The following ASB8 variants were observed in gnomAD, a reference collection of about 807,000 sequenced individuals.
The protein encoded by ASB8 is ankyrin repeat and SOCS box protein 8.
ASB8 carries 15 observed loss-of-function variants against 22.9 expected under a neutral mutation model. The ratio of observed to expected loss-of-function variants is 0.66; its 90% CI spans 0.44 to 1.01. ASB8 has a LOEUF of 1.01. ASB8 is among the 50% of genes least tolerant of loss of function. The probability of loss-of-function intolerance (pLI) is 0.00; values close to 1 mark genes in which losing one functional copy is unlikely to be tolerated. For synonymous variants in ASB8, 124 were observed against 140.8 expected (o/e 0.88, Z 0.84); for missense variants, 294 against 356.9 (o/e 0.82, Z 1.42).
At chr12:48,152,627 TAGAA>T (rs1237905722) in intron 2 of ASB8, among the ~76,000 whole-genome samples, 10 of 152,158 alleles carry the variant, frequency 6.6e-5, no homozygotes, top group Non-Finnish European at 1.0e-4. Context: ...GCTTTTAACA[TAGAA>T]TGTAAGTAAA....
chr12:48,149,418 T>C lies in ASB8; in HGVS notation c.815A>G (p.Lys272Arg), dbSNP rs745550632. ...CAAAGAAGCTGGCAGTGGAAGGCCC[T>C]TCACTGCATCGGGGAGATACTGGAG... is the stretch of plus-strand genomic sequence containing the variant. ...LGLQYLPDAVKGLPLPASLKE... is the reference protein window; with the variant it reads ...LGLQYLPDAVRGLPLPASLKE... Residue 272 changes from lysine to arginine, a missense_variant, in exon 4 of 4, where the codon AAG (lysine) becomes AGG (arginine). By Grantham distance (26) the Lys-to-Arg change is conservative. Transcript: ENST00000317697. The C allele has an allele frequency of 1.2e-6, 2 of 1,614,114 alleles. No individual in the cohort carries two copies. The highest frequency in any genetic ancestry group is 2.2e-5 in the South Asian group (2 of 91,080).
Position 48,151,324 on chromosome 12 carries a change from T to C in ASB8, c.130-19A>G, listed in dbSNP as rs760531090. The C allele has an allele frequency of 1.3e-6, 2 of 1,583,252 alleles. No individual in the cohort carries two copies. Among genetic ancestry groups the C allele is most frequent in the Admixed American group, 3.4e-5 (2 of 59,438 alleles). On this transcript the variant is annotated intron_variant, in intron 2 of 3. Transcript: ENST00000317697. ...CTGCTCCCTGTGGGCAGAAGACAACTTCAGTCAGTGTGTTCAGCTCTGGCT... is the reference window on the plus strand; with the variant it reads ...CTGCTCCCTGTGGGCAGAAGACAACCTCAGTCAGTGTGTTCAGCTCTGGCT...
chr12:48,152,464 AG>A (rs1416576803), intron 2 of ASB8, among the ~76,000 whole-genome samples: 4 of 152,348 alleles, frequency 2.6e-5, no homozygotes, highest in African/African-American at 9.6e-5. Flanking sequence ...AAAAATAAAT[AG>A]AAGAGGATAG....
intron 3 of ASB8, chr12:48,150,276 C>T: frequency 4.4e-6 from 3 of 681,276 alleles, no homozygotes; most frequent in Non-Finnish European, 8.0e-6. Context: ...GTTCTTTTAT[C>T]TATTCATTAG....
chr12:48,154,083 T>G (rs1336984245), intron 1 of ASB8, among the ~76,000 whole-genome samples: 1 of 152,110 alleles, frequency 6.6e-6, no homozygotes, highest in East Asian at 1.9e-4. Context: ...AGTATAGAAG[T>G]GATTGTTATG....
chr12:48,149,026 C>T lies in ASB8; in HGVS notation c.*340G>A, dbSNP rs867438685. ...ACCACGTCCCCAAAGGAAAACCACA[C>T]ACACATTATTTAAGTACTTTCCATC... On this transcript the variant is annotated 3_prime_UTR_variant, in exon 4 of 4. Coordinates refer to ENST00000317697, the MANE Select transcript of ASB8 (RefSeq NM_024095.5). The T allele has an allele frequency of 2.5e-5, 7 of 281,340 alleles. No individual in the cohort carries two copies. The highest frequency in any genetic ancestry group is 1.3e-4 in the African/African-American group (6 of 44,958). The allele number at this position is 281,340 out of a possible 1,614,324, so 17.4% of individuals were successfully genotyped here. A position where few individuals can be genotyped will look rare whatever the true frequency, so the allele number is the denominator to read the frequency against.
At chr12:48,156,052 C>T (rs1401860417) in intron 1 of ASB8, among the ~76,000 whole-genome samples, 1 of 152,020 alleles carries the variant, frequency 6.6e-6, no homozygotes, top group African/African-American at 2.4e-5. Context: ...GCTGGGATTA[C>T]AGACATGAGC....
rs535213432 is a variant in ASB8 at position 48,149,250 on chromosome 12, G to A, written c.*116C>T. 1.5e-3 allele frequency: 1,808 copies of A among 1,183,444 alleles called. 4 individuals are homozygous for A. The highest frequency in any genetic ancestry group is 2.6e-3 in the Middle Eastern group (9 of 3,402). 73.3% of individuals were successfully genotyped at this position (1,183,444 alleles called of 1,614,324 possible). A position where few individuals can be genotyped will look rare whatever the true frequency, so the allele number is the denominator to read the frequency against. ...GGTTATTGTTGTGACATGTTGCTTC[G>A]AAATCTATAAACCACACAACAGGAA... is the stretch of plus-strand genomic sequence containing the variant. On this transcript the variant is annotated 3_prime_UTR_variant, in exon 4 of 4. Transcript: ENST00000317697.
chr12:48,156,211 T>C (rs954897973), intron 1 of ASB8, among the ~76,000 whole-genome samples: 1 of 152,222 alleles, frequency 6.6e-6, no homozygotes, highest in African/African-American at 2.4e-5. Flanking sequence ...AAAATATTCA[T>C]ATGTATCGAT....
At chr12:48,151,070 C>G in intron 3 of ASB8, 131 bp downstream of exon 3, 3 of 695,208 alleles carry the variant, frequency 4.3e-6, no homozygotes, top group Non-Finnish European at 7.6e-6. Context: ...ATTGGCTATG[C>G]CAACATTACC....
chr12:48,157,428 G>C (rs867503613), intron 1 of ASB8, 31 bp downstream of exon 1: 8 of 152,402 alleles, frequency 5.2e-5, no homozygotes, highest in African/African-American at 1.2e-4. Context: ...AGGAAACCTG[G>C]CTGTAGACCC....
Position 48,149,477 on chromosome 12 carries a change from T to C in ASB8, c.756A>G (p.Thr252=), listed in dbSNP as rs769437074. The stretch of plus-strand genomic sequence containing the variant: ...TACGGCGCACGGCATAGCGAGCGAG[T>C]GTTTTTAGAGTTCCTGGAGCTGAGC... ...VLCSAPGTLK[T]LARYAVRRSL... Residue 252 remains threonine (T), a synonymous_variant, in exon 4 of 4, where the codon ACA becomes ACG. Transcript: ENST00000317697. 1.2e-6 allele frequency: 2 copies of C among 1,613,288 alleles called. No individual in the cohort carries two copies. The highest frequency in any genetic ancestry group is 1.7e-5 in the Admixed American group (1 of 60,012).
chr12:48,152,040 T>C (rs959853501), intron 2 of ASB8, among the ~76,000 whole-genome samples: 1 of 151,918 alleles, frequency 6.6e-6, no homozygotes, highest in Non-Finnish European at 1.5e-5. Flanking sequence ...TAATCCCCGC[T>C]ACTCGGGAGG....
intron 2 of ASB8, among the ~76,000 whole-genome samples, chr12:48,151,819 A>G (rs948389855): frequency 1.2e-4 from 18 of 152,320 alleles, no homozygotes; most frequent in African/African-American, 4.3e-4. Flanking sequence ...TAGTATCAGT[A>G]TTCTTTACCA....
rs182132220 is a variant in ASB8 at position 48,152,416 on chromosome 12, T to G, written c.129+952A>C. The stretch of plus-strand genomic sequence containing the variant: ...CACAAGTAACCATCTGGATGCATTT[T>G]CTGGTGATCAAAAACTGTGTAACTT... On this transcript the variant is annotated intron_variant, in intron 2 of 3. Transcript: ENST00000317697. 2.3e-3 allele frequency among the ~76,000 whole-genome samples: 344 copies of G among 152,328 alleles called. 1 individual carries two copies. The highest frequency in any genetic ancestry group is 4.2e-3 in the Non-Finnish European group (287 of 68,036).
intron 1 of ASB8, chr12:48,153,811 G>T: frequency 2.0e-5 from 4 of 202,378 alleles, no homozygotes; most frequent in Non-Finnish European, 2.0e-5. Flanking sequence ...GCAAGGAATA[G>T]GATTTTTAAA....
At position 48,151,184 on chromosome 12, in the gene ASB8, T is replaced by G. The variant is rs547534676; in HGVS notation, c.234+17A>C. ...AGTTTTAGTGAGTCATTAATGTGAA[T>G]GTGTTAAAAACATTACCTCGGCTCC... On this transcript the variant is annotated intron_variant, in intron 3 of 3. Coordinates refer to ENST00000317697, the MANE Select transcript of ASB8 (RefSeq NM_024095.5). The G allele has an allele frequency of 6.4e-7, 1 of 1,570,356 alleles. No homozygotes were observed.
intron 1 of ASB8, chr12:48,154,061 G>A (rs1288493148): frequency 1.9e-5 from 3 of 154,124 alleles, no homozygotes; most frequent in African/African-American, 7.2e-5. Context: ...TTGGTTGGTC[G>A]ACTGACTAAA....
In ASB8 at chr12:48,148,096, C is replaced by T. The variant is rs990001452; in HGVS notation, c.*1270G>A. ...GCTTTTCCCACTCCCATCCCAAGTC[C>T]ACCCTCCCACCAATTGTATTGTATA... On this transcript the variant is annotated 3_prime_UTR_variant, in exon 4 of 4. Coordinates refer to ENST00000317697, the MANE Select transcript of ASB8 (RefSeq NM_024095.5). 5.3e-5 allele frequency: 8 copies of T among 152,168 alleles called. No individual in the cohort carries two copies. Among genetic ancestry groups the T allele is most frequent in the African/African-American group, 1.7e-4 (7 of 41,434 alleles). 9.4% of individuals were successfully genotyped at this position (152,168 alleles called of 1,614,324 possible).
Sources: gnomAD v4.1 joint callset for allele counts (sites outside exome capture counted in the v4.1 genomes callset) on GRCh38, gnomAD v4.1.1 for gene constraint, MANE v1.5 for transcripts, NCBI Gene and HGNC (gene_info 2026-07-23, HGNC 2026-07-21) for gene names.